The following OTUD7B variants were observed in gnomAD, a reference collection of about 807,000 sequenced individuals.
The protein encoded by OTUD7B is OTU deubiquitinase 7B, also known as OTU domain-containing protein 7B.
In OTUD7B, 34 loss-of-function variants were observed where a neutral mutation model predicts 82.2. The observed-to-expected ratio is 0.41, with a 90% CI of 0.31 to 0.55. The LOEUF (loss-of-function observed/expected upper bound fraction) is 0.55, where lower values mean the gene tolerates loss of function less well. Among genes scored for constraint, OTUD7B ranks in the 20% least tolerant of loss-of-function variants. OTUD7B has a pLI of 0.20. For synonymous variants in OTUD7B, 398 were observed against 402.7 expected, an observed-to-expected ratio of 0.99 and a Z score of 0.14; for missense variants, 944 against 1,062.1, an observed-to-expected ratio of 0.89 and a Z score of 1.55.
At chr1:149,992,562 G>C (rs587604331) in intron 1 of OTUD7B, among the ~76,000 whole-genome samples, 13 of 132,414 alleles carry the variant, frequency 9.8e-5, no homozygotes, top group African/African-American at 2.5e-4. Context: ...TGCAAGCTCG[G>C]CCTCCCGGGT....
At chr1:149,959,625 G>T in intron 7 of OTUD7B, 59 bp downstream of exon 7, 1 of 1,013,358 alleles carries the variant, frequency 9.9e-7, no homozygotes, top group Non-Finnish European at 1.6e-6. Context: ...ACACTGGGCT[G>T]TGGAAGCCCA....
chr1:150,034,415 T>A, the OTUD7B span, among the ~76,000 whole-genome samples: 3 of 152,146 alleles, frequency 2.0e-5, no homozygotes, highest in Non-Finnish European at 4.4e-5. Flanking sequence ...ATAAGCACTT[T>A]AAGTTAGATG....
chr1:150,061,033 CAAAA>C, the OTUD7B span, among the ~76,000 whole-genome samples: 1 of 44,250 alleles, frequency 2.3e-5, no homozygotes, highest in African/African-American at 9.4e-5. Context: ...CTGACTAAAA[CAAAA>C]AACAAAAAAC....
chr1:149,992,660 C>T (rs1057349137), intron 1 of OTUD7B, among the ~76,000 whole-genome samples: 12 of 151,524 alleles, frequency 7.9e-5, no homozygotes, highest in Admixed American at 5.3e-4. Context: ...ATCATAAAGA[C>T]GGGGTTTGGC....
chr1:150,059,296 ACCCCCCCC>A, the OTUD7B span, among the ~76,000 whole-genome samples: 2 of 6,802 alleles, frequency 2.9e-4, 1 homozygote, highest in Non-Finnish European at 5.8e-4. Context: ...CTCGTGATCC[ACCCCCCCC>A]CCCCCCGCCT....
the OTUD7B span, among the ~76,000 whole-genome samples, chr1:150,043,096 G>GTAT: frequency 6.6e-6 from 1 of 152,074 alleles, no homozygotes; most frequent in Non-Finnish European, 1.5e-5. Context: ...ATCGCCAGTG[G>GTAT]TACTATTATA....
chr1:150,024,348 G>A, the OTUD7B span, among the ~76,000 whole-genome samples: 6 of 152,198 alleles, frequency 3.9e-5, no homozygotes, highest in South Asian at 4.2e-4. Flanking sequence ...TCTGCACTCC[G>A]GAATGAAGGA....
intron 3 of OTUD7B, 57 bp downstream of exon 3, chr1:149,971,006 T>G: frequency 7.1e-7 from 1 of 1,407,418 alleles, no homozygotes; most frequent in Non-Finnish European, 9.6e-7. Context: ...ATGACTCCAT[T>G]TAACAATCCC....
rs782137783 is a variant in OTUD7B, at chr1:149,944,336, C to T, written c.2053G>A (p.Ala685Thr). 5.6e-6 allele frequency: 9 copies of T among 1,612,688 alleles called. No homozygotes were observed. Among genetic ancestry groups the T allele is most frequent in the African/African-American group, 1.3e-5 (1 of 74,872 alleles). Reference sequence around the variant, plus strand: ...GGGTAGCCAGTGGAAAATGCCATTGCCCTGGACTCTGCTGGGGGACCGGTC... The same window carrying T: ...GGGTAGCCAGTGGAAAATGCCATTGTCCTGGACTCTGCTGGGGGACCGGTC... ...QPTGPPAESR[A>T]MAFSTGYPGD... Residue 685 changes from alanine to threonine, a missense_variant, in exon 12 of 12, where the codon GCA (alanine) becomes ACA (threonine). Coordinates refer to ENST00000581312, the MANE Select transcript of OTUD7B (RefSeq NM_020205.4).
intron 1 of OTUD7B, among the ~76,000 whole-genome samples, chr1:149,998,432 C>G (rs918955044): frequency 2.6e-5 from 4 of 152,232 alleles, no homozygotes; most frequent in African/African-American, 9.6e-5. Flanking sequence ...CTTTACTGAT[C>G]TTATTGCCCT....
At chr1:150,061,239 A>G in the OTUD7B span, among the ~76,000 whole-genome samples, 1 of 152,086 alleles carries the variant, frequency 6.6e-6, no homozygotes, top group African/African-American at 2.4e-5. Context: ...AGCCCTAAAC[A>G]ATATACTATT....
At chr1:150,026,821 C>T in the OTUD7B span, among the ~76,000 whole-genome samples, 26,693 of 152,100 alleles carry the variant, frequency 0.18, 2,713 homozygotes, top group South Asian at 0.42. Context: ...AATAAATCCA[C>T]CCTTACCCTT....
At chr1:150,057,053 T>C in the OTUD7B span, among the ~76,000 whole-genome samples, 2 of 152,144 alleles carry the variant, frequency 1.3e-5, no homozygotes, top group Non-Finnish European at 2.9e-5. Flanking sequence ...AAAGTTAATA[T>C]CACCAATGAT....
intron 1 of OTUD7B, among the ~76,000 whole-genome samples, chr1:149,990,032 G>C (rs1651454389): frequency 6.6e-6 from 1 of 152,178 alleles, no homozygotes; most frequent in South Asian, 2.1e-4. Context: ...CTGACTATCA[G>C]TCATTCATTC....
At chr1:150,038,434 T>C in the OTUD7B span, among the ~76,000 whole-genome samples, 1 of 152,174 alleles carries the variant, frequency 6.6e-6, no homozygotes, top group Non-Finnish European at 1.5e-5. Flanking sequence ...TTGCCCAGGC[T>C]GGAGTGCTGT....
At chr1:150,065,314 T>C in the OTUD7B span, among the ~76,000 whole-genome samples, 20 of 152,176 alleles carry the variant, frequency 1.3e-4, no homozygotes, top group Non-Finnish European at 2.4e-4. Context: ...ACTCAAACGA[T>C]TGGCCTCGCC....
chr1:150,050,259 C>T, the OTUD7B span, among the ~76,000 whole-genome samples: 2 of 151,414 alleles, frequency 1.3e-5, no homozygotes, highest in Admixed American at 1.3e-4. Context: ...AAATATTTAT[C>T]TCTCATATCC....
In OTUD7B at chr1:149,939,992, C is replaced by G. The variant is rs1441389750; in HGVS notation, c.*3865G>C. The G allele has an allele frequency of 5.3e-5, 8 of 151,884 alleles. No individual in the cohort carries two copies. The highest frequency in any genetic ancestry group is 7.3e-5 in the African/African-American group (3 of 41,294). 9.4% of individuals were successfully genotyped at this position (151,884 alleles called of 1,614,324 possible). ...AAGAAGACTCAGAGTCCAGAGGTGTCTGAGTAATTCAGAGACAATCATCTC... is the reference window on the plus strand; with the variant it reads ...AAGAAGACTCAGAGTCCAGAGGTGTGTGAGTAATTCAGAGACAATCATCTC... On this transcript the variant is annotated 3_prime_UTR_variant, in exon 12 of 12. Transcript: ENST00000581312.
At chr1:150,017,390 C>A in the OTUD7B span, among the ~76,000 whole-genome samples, 1 of 152,162 alleles carries the variant, frequency 6.6e-6, no homozygotes, top group Middle Eastern at 3.2e-3. Context: ...CCTGACAAAT[C>A]CCCTGAGGAT....
Sources: allele counts gnomAD v4.1 joint callset (sites outside exome capture counted in the v4.1 genomes callset), GRCh38; gene constraint gnomAD v4.1.1; transcripts MANE v1.5; gene names NCBI Gene and HGNC (gene_info 2026-07-23, HGNC 2026-07-21).